AGRN: variants seen among roughly 807,000 people sequenced by gnomAD.
AGRN encodes agrin proteoglycan.
In AGRN, 106 loss-of-function variants were observed where a neutral mutation model predicts 211.0. The ratio of observed to expected loss-of-function variants is 0.50; its 90% CI spans 0.43 to 0.59. The LOEUF is 0.59. Ranked by LOEUF, AGRN falls within the 20% of genes least tolerant of loss-of-function variation. AGRN has a pLI of 0.00. For missense variants in AGRN, 3,040 were observed against 2,982.6 expected (o/e 1.02, Z -0.45); for synonymous variants, 1,525 against 1,332.5 (o/e 1.14, Z -3.15).
At position 1,042,691 on chromosome 1, in the gene AGRN, C is replaced by G. The variant is rs1020165648; in HGVS notation, c.1384+529C>G. 2.0e-5 allele frequency among the ~76,000 whole-genome samples: 3 copies of G among 152,212 alleles called. No individual in the cohort carries two copies. In the East Asian group the frequency reaches 5.8e-4, roughly 29 times the overall value. On this transcript the variant is annotated intron_variant, in intron 7 of 35. Coordinates refer to ENST00000379370, the MANE Select transcript of AGRN (RefSeq NM_198576.4). The stretch of plus-strand genomic sequence containing the variant: ...CGGCTCCGCCTCTTGTGTCTTCCAG[C>G]CTGACCTGCTGGCAGGATGAGGTGC...
intron 2 of AGRN, chr1:1,034,211 CGGCTCCGGG>C (rs1019548728): frequency 6.1e-6 from 6 of 985,234 alleles, no homozygotes; most frequent in Non-Finnish European, 7.2e-6. Flanking sequence ...CCGGCCTGCG[CGGCTCCGGG>C]GGCTCCGGGA....
At chr1:1,050,208 G>A in intron 27 of AGRN, 25 bp from the exon 28 acceptor site, 1 of 1,612,734 alleles carries the variant, frequency 6.2e-7, no homozygotes, top group East Asian at 2.2e-5. Flanking sequence ...GGTCAGGACT[G>A]AGGCCTTGGT....
rs1428930598 is a variant in AGRN at position 1,053,921 on chromosome 1, G to T, written c.5820G>T (p.Val1940=). 1.2e-6 allele frequency: 2 copies of T among 1,606,562 alleles called. No homozygotes were observed. The highest frequency in any genetic ancestry group is 8.5e-7 in the Non-Finnish European group (1 of 1,177,366). The stretch of plus-strand genomic sequence containing the variant: ...ACAACCTGGGCTCCCAGCCCGTGGT[G>T]CTGCGTTCCACCGTGCCCGTCAACA... ...LSYNLGSQPV[V]LRSTVPVNTN... Residue 1940 remains valine, a synonymous_variant, in exon 34 of 36, where the codon GTG becomes GTT. Coordinates refer to ENST00000379370, the MANE Select transcript of AGRN (RefSeq NM_198576.4).
intron 2 of AGRN, among the ~76,000 whole-genome samples, chr1:1,033,507 G>A (rs1014666496): frequency 1.3e-5 from 2 of 150,148 alleles, no homozygotes; most frequent in African/African-American, 4.9e-5. Flanking sequence ...GACCTGCCCC[G>A]GCCGCACCCG....
At chr1:1,036,236 C>G (rs575452302) in intron 3 of AGRN, among the ~76,000 whole-genome samples, 2 of 152,244 alleles carry the variant, frequency 1.3e-5, no homozygotes, top group South Asian at 4.1e-4. Context: ...CGGCCACTTT[C>G]CAGGTCTTGG....
At chr1:1,049,101 G>T in intron 24 of AGRN, 42 bp downstream of exon 24, 1 of 1,133,310 alleles carries the variant, frequency 8.8e-7, no homozygotes, top group Non-Finnish European at 1.2e-6. Flanking sequence ...TCAGGTGGGC[G>T]GGGAGGGGAC....
Position 1,048,421 on chromosome 1 carries a change from TG to T in AGRN, c.4105+61del. On this transcript the variant is annotated intron_variant, in intron 23 of 35. Coordinates refer to ENST00000379370, the MANE Select transcript of AGRN (RefSeq NM_198576.4). This position sits in a 1 kb window ranked among gnomAD's most constrained non-coding sequence, Gnocchi z 5.9. ...GAGGCAGCAGGGTGGGGGCAAGGAT[TG>T]GGGGTGGGGCTAAGCCACCATCAGG... 2.9e-6 allele frequency: 2 copies of T among 685,204 alleles called. No homozygotes were observed. Among genetic ancestry groups the T allele is most frequent in the Non-Finnish European group, 2.4e-6 (1 of 420,600 alleles). The allele number at this position is 685,204 out of a possible 1,614,324, so 42.4% of individuals were successfully genotyped here.
In AGRN at chr1:1,049,336, A is replaced by G; in HGVS notation, c.4399A>G (p.Thr1467Ala). ...LELSRHWRRG[T>A]LSVDGETPVL... ...GCTGTCCCGGCACTGGCGCCGGGGC[A>G]CCCTCTCGGTGGATGGTGAGACCCC... The change falls in exon 25 of 36, where the codon ACC becomes GCC. Residue 1467 changes from threonine (T) to alanine (A), a missense_variant. Physicochemically the swap from Thr to Ala is moderately conservative, Grantham distance 58. Transcript: ENST00000379370. The G allele has an allele frequency of 1.3e-6, 2 of 1,594,310 alleles. No individual in the cohort carries two copies. The highest frequency in any genetic ancestry group is 1.7e-6 in the Non-Finnish European group (2 of 1,178,468).
At chr1:1,038,384 T>C (rs1644850815) in intron 3 of AGRN, among the ~76,000 whole-genome samples, 1 of 152,208 alleles carries the variant, frequency 6.6e-6, no homozygotes, top group South Asian at 2.1e-4. Context: ...TCAGAGCCTG[T>C]CCCTAAGGTA....
chr1:1,050,391 G>A (rs201899114), intron 28 of AGRN, 36 bp from the exon 29 acceptor site: 1 of 1,612,592 alleles, frequency 6.2e-7, no homozygotes. Context: ...TGTGGGGAGG[G>A]GACAGCAAAG....
Position 1,043,944 on chromosome 1 carries a change from C to T in AGRN, c.1920C>T (p.Gly640=), listed in dbSNP as rs763833644. The stretch of plus-strand genomic sequence containing the variant: ...GTGGCAGCGACGGTGTCACCTACGG[C>T]AGTGCCTGCGAGCTACGGGAAGCCG... ...PVCGSDGVTY[G]SACELREAAC... The change falls in exon 10 of 36, where the codon GGC becomes GGT. Residue 640 remains glycine (G), a synonymous_variant. Transcript: ENST00000379370. The T allele has an allele frequency of 3.7e-6, 6 of 1,607,530 alleles. No homozygotes were observed. Among genetic ancestry groups the T allele is most frequent in the South Asian group, 3.3e-5 (3 of 90,862 alleles).
chr1:1,021,547 A>T (rs1381267224), intron 1 of AGRN, among the ~76,000 whole-genome samples: 1 of 152,108 alleles, frequency 6.6e-6, no homozygotes, highest in Non-Finnish European at 1.5e-5. Flanking sequence ...TTCTCAGGGG[A>T]GTGCGTGAGT....
chr1:1,051,245 C>T lies in AGRN; in HGVS notation c.5254-8C>T, dbSNP rs369911069. Reference sequence around the variant, plus strand: ...CTCTGCACAGCCACTTACCTGGCGTCCCCGCAGGTTCCGCACACCGTCCTC... The same window carrying T: ...CTCTGCACAGCCACTTACCTGGCGTTCCCGCAGGTTCCGCACACCGTCCTC... On this transcript the variant is annotated splice_region_variant and splice_polypyrimidine_tract_variant and intron_variant, in intron 30 of 35. Transcript: ENST00000379370. 11 of 1,581,308 alleles carry T rather than the reference C, an allele frequency of 7.0e-6. No homozygotes were observed.
At position 1,050,438 on chromosome 1, in the gene AGRN, C is replaced by T. The variant is rs753922672; in HGVS notation, c.4988C>T (p.Ala1663Val). The change falls in exon 29 of 36, where the codon GCG becomes GTG. Residue 1663 changes from alanine to valine, a missense_variant. By Grantham distance (64) the Ala-to-Val change is moderately conservative. This residue lies in a region of AGRN where 1,537 missense variants were observed against 1,505.0 expected (regional missense o/e 1.02). Transcript: ENST00000379370. ...TFARDLGEKM[A>V]LEVVFLARGP... is the part of the protein sequence containing the mutation. Reference sequence around the variant, plus strand: ...CCCCATGACCCCAGGGAGAAGATGGCGCTGGAGGTCGTGTTCCTGGCACGA... The same window carrying T: ...CCCCATGACCCCAGGGAGAAGATGGTGCTGGAGGTCGTGTTCCTGGCACGA... 9 of 1,612,748 alleles carry T rather than the reference C, an allele frequency of 5.6e-6. No individual in the cohort carries two copies. The highest frequency in any genetic ancestry group is 5.3e-5 in the African/African-American group (4 of 74,884).
At position 1,040,089 on chromosome 1, in the gene AGRN, T is replaced by A. The variant is rs548324328; in HGVS notation, c.512-576T>A. ...GACCTGGCCTCACACCCCGTCCCGG[T>A]GGGGCTCTCAGGCCCCTGAGGGCCA... On this transcript the variant is annotated intron_variant, in intron 3 of 35. Transcript: ENST00000379370. 1.2e-4 allele frequency among the ~76,000 whole-genome samples: 18 copies of A among 152,150 alleles called. No homozygotes were observed. In the South Asian group the frequency reaches 3.7e-3, roughly 32 times the overall value.
rs2100660413 is a variant in AGRN, at chr1:1,046,696, C to T, written c.3211C>T (p.Leu1071=). Residue 1071 remains leucine, a synonymous_variant, in exon 18 of 36, where the codon CTG becomes TTG. Transcript: ENST00000379370. ...GSTDGSSDEE[L]SGDQEASGGG... The stretch of plus-strand genomic sequence containing the variant: ...CACTGATGGAAGCAGCGATGAGGAA[C>T]TGAGCGGGGACCAGGAGGCCAGTGG... The T allele has an allele frequency of 1.3e-6, 2 of 1,584,264 alleles. No homozygotes were observed. The highest frequency in any genetic ancestry group is 1.7e-6 in the Non-Finnish European group (2 of 1,170,922).
At chr1:1,034,702 C>G in intron 2 of AGRN, 1 of 996,556 alleles carries the variant, frequency 1.0e-6, no homozygotes, top group African/African-American at 1.7e-5. Flanking sequence ...TCCTCAACAA[C>G]TGTAGGTGGC....
rs775310667 is a variant in AGRN at position 1,042,000 on chromosome 1, C to G, written c.1222C>G (p.Arg408Gly). 1 of 1,611,580 alleles carries G rather than the reference C, an allele frequency of 6.2e-7. No individual in the cohort carries two copies. The highest frequency in any genetic ancestry group is 8.5e-7 in the Non-Finnish European group (1 of 1,179,658). The change falls in exon 7 of 36, where the codon CGC (arginine) becomes GGC (glycine). Residue 408 changes from arginine (R) to glycine (G), a missense_variant. Arg to Gly is a moderately radical substitution (Grantham distance 125). This residue lies in a region of AGRN where 1,498 missense variants were observed against 1,457.8 expected (regional missense o/e 1.03). Transcript: ENST00000379370. The stretch of plus-strand genomic sequence containing the variant: ...CCGGTTCAATGCCGTGTGCCTGTCC[C>G]GCCGTGGCCGTCCCCGCTGCTCCTG... ...PCRFNAVCLS[R>G]RGRPRCSCDR...
chr1:1,054,189 C>T lies in AGRN; in HGVS notation c.5876+212C>T, dbSNP rs536775444. ...GTCTGAAAGGCATCCCGGCCCTGCC[C>T]GGAGCCTGCCGGGGGTCGCTCCAGT... On this transcript the variant is annotated intron_variant, in intron 34 of 35. Coordinates refer to ENST00000379370, the MANE Select transcript of AGRN (RefSeq NM_198576.4). Among the ~76,000 whole-genome samples the T allele has an allele frequency of 9.8e-5, 15 of 152,352 alleles. 1 individual carries two copies. The South Asian group carries it at 3.1e-3, about 32-fold the overall frequency.
Sources: gnomAD v4.1 joint callset for allele counts (sites outside exome capture counted in the v4.1 genomes callset) on GRCh38, gnomAD v4.1.1 for gene constraint, gnomAD v4.1.1 regional missense constraint, Gnocchi (gnomAD v3.1) non-coding constraint, MANE v1.5 for transcripts, NCBI Gene and HGNC (gene_info 2026-07-23, HGNC 2026-07-21) for gene names.